Variants in SSBP3 observed in about 807,000 individuals in gnomAD.
SSBP3 encodes single stranded DNA binding protein 3, also known as single-stranded DNA-binding protein 3.
In SSBP3, 5 loss-of-function variants were observed where a neutral mutation model predicts 69.6. The observed-to-expected ratio is 0.07, with a 90% CI of 0.04 to 0.15. The LOEUF (loss-of-function observed/expected upper bound fraction) is 0.15. Among genes scored for constraint, SSBP3 ranks in the 10% least tolerant of loss-of-function variants. SSBP3 has a pLI of 1.00. For missense variants in SSBP3, 312 were observed against 534.0 expected, an observed-to-expected ratio of 0.58 and a Z score of 4.10; for synonymous variants, 196 against 193.4, an observed-to-expected ratio of 1.01 and a Z score of -0.11.
chr1:54,281,613 T>TCC, intron 4 of SSBP3, 86 bp from the exon 5 acceptor site: 1 of 1,227,928 alleles, frequency 8.1e-7, no homozygotes, highest in South Asian at 1.3e-5. Context: ...GCTCTCCCTG[T>TCC]CCGTCCACAT....
intron 4 of SSBP3, among the ~76,000 whole-genome samples, chr1:54,373,795 C>T (rs1033469702): frequency 2.7e-5 from 4 of 149,116 alleles, no homozygotes; most frequent in Non-Finnish European, 4.5e-5. Flanking sequence ...AACAGGAATG[C>T]CTCTCGGCAC....
intron 4 of SSBP3, among the ~76,000 whole-genome samples, chr1:54,355,719 TATCTTA>T (rs1646852475): frequency 6.6e-6 from 1 of 152,178 alleles, no homozygotes; most frequent in Admixed American, 6.5e-5. Context: ...CTAAAGGAGT[TATCTTA>T]AAGTCCTCCT....
intron 17 of SSBP3, 22 bp from the exon 18 acceptor site, chr1:54,227,182 G>A (rs758498750): frequency 1.6e-5 from 10 of 626,128 alleles, no homozygotes; most frequent in Middle Eastern, 6.3e-4. Flanking sequence ...AAGCAGAGAA[G>A]GGGGGGGGGT....
intron 4 of SSBP3, among the ~76,000 whole-genome samples, chr1:54,339,700 G>A (rs2100513057): frequency 6.6e-6 from 1 of 152,082 alleles, no homozygotes; most frequent in Admixed American, 6.5e-5. Context: ...TTCACCTGAG[G>A]TCAGGAGTTC....
intron 12 of SSBP3, among the ~76,000 whole-genome samples, chr1:54,241,258 C>G (rs1033358201): frequency 6.6e-6 from 1 of 152,156 alleles, no homozygotes; most frequent in Non-Finnish European, 1.5e-5. Context: ...TGGTCAGCTC[C>G]CCAGAAGGCA....
intron 4 of SSBP3, among the ~76,000 whole-genome samples, chr1:54,290,341 G>C (rs1260129653): frequency 6.6e-6 from 1 of 152,210 alleles, no homozygotes; most frequent in African/African-American, 2.4e-5. Context: ...GCCAGACTCA[G>C]CCAAGGTACG....
At chr1:54,356,625 C>T (rs1010624235) in intron 4 of SSBP3, 3 of 152,154 alleles carry the variant, frequency 2.0e-5, no homozygotes, top group Non-Finnish European at 2.9e-5. Context: ...TGATGGGCGC[C>T]GTCTGCCAAA....
In SSBP3 at chr1:54,357,744, T is replaced by G. The variant is rs184166176; in HGVS notation, c.276+44117A>C. ...TAGCAAGACCTTTTCTCTCACAAAA[T>G]AAATGAAGTCCTAATGTCTTCTTTG... On this transcript the variant is annotated intron_variant, in intron 4 of 17. Transcript: ENST00000610401. Among the ~76,000 whole-genome samples, 26 of 152,336 alleles carry G rather than the reference T, an allele frequency of 1.7e-4. No homozygotes were observed. In the East Asian group the frequency reaches 2.5e-3, roughly 15 times the overall value.
intron 4 of SSBP3, among the ~76,000 whole-genome samples, chr1:54,292,941 G>A (rs1645634469): frequency 6.6e-6 from 1 of 152,000 alleles, no homozygotes; most frequent in African/African-American, 2.4e-5. Context: ...ACAGAGCCTG[G>A]CATGCTTTCA....
chr1:54,237,879 A>G (rs1644526730), intron 14 of SSBP3: 1 of 339,174 alleles, frequency 2.9e-6, no homozygotes. Flanking sequence ...GTGAATCACA[A>G]GTCCTGATGC....
At chr1:54,390,798 C>G (rs1030805394) in intron 4 of SSBP3, among the ~76,000 whole-genome samples, 2 of 152,260 alleles carry the variant, frequency 1.3e-5, no homozygotes, top group Non-Finnish European at 2.9e-5. Context: ...GCCCGTAACA[C>G]AAGCGGGCTC....
chr1:54,344,214 A>G (rs1646653511), intron 4 of SSBP3, among the ~76,000 whole-genome samples: 1 of 152,216 alleles, frequency 6.6e-6, no homozygotes, highest in Non-Finnish European at 1.5e-5. Context: ...GGATATGAAC[A>G]ATATTAATCT....
At chr1:54,314,134 G>A (rs1393905610) in intron 4 of SSBP3, among the ~76,000 whole-genome samples, 3 of 152,164 alleles carry the variant, frequency 2.0e-5, no homozygotes, top group Admixed American at 1.3e-4. Context: ...GCCAAGGGGG[G>A]CTTAGCCAAA....
At chr1:54,329,651 T>A (rs992763087) in intron 4 of SSBP3, among the ~76,000 whole-genome samples, 1 of 152,200 alleles carries the variant, frequency 6.6e-6, no homozygotes, top group Non-Finnish European at 1.5e-5. Flanking sequence ...AAAAGGACAT[T>A]TTCCTGATCT....
rs942137315 is a variant in SSBP3 at position 54,263,987 on chromosome 1, C to CAAAACA, written c.367-5844_367-5839dup. On this transcript the variant is annotated intron_variant, in intron 5 of 17. Coordinates refer to ENST00000610401, the Ensembl canonical transcript of SSBP3. ...AGCTCCTTAAAACCAAAACCAAAAC[C>CAAAACA]AAAACAAAAACAAAAACAAAAGCAA... Among the ~76,000 whole-genome samples, 36 of 150,810 alleles carry CAAAACA rather than the reference C, an allele frequency of 2.4e-4. No homozygotes were observed. The South Asian group carries it at 2.7e-3, about 11-fold the overall frequency.
chr1:54,279,410 G>A (rs1355499990), intron 5 of SSBP3, among the ~76,000 whole-genome samples: 2 of 152,246 alleles, frequency 1.3e-5, no homozygotes, highest in African/African-American at 2.4e-5. Flanking sequence ...GAAGTTGGGA[G>A]CTGCCCACAG....
At chr1:54,335,145 A>C (rs1298271565) in intron 4 of SSBP3, among the ~76,000 whole-genome samples, 2 of 152,212 alleles carry the variant, frequency 1.3e-5, no homozygotes, top group Non-Finnish European at 2.9e-5. Context: ...ACCCGGACAC[A>C]AGAATCAGCT....
In SSBP3 at chr1:54,400,070, C is replaced by T. The variant is rs111721786; in HGVS notation, c.276+1791G>A. Among the ~76,000 whole-genome samples the T allele has an allele frequency of 4.6e-3, 702 of 152,334 alleles. 20 individuals carry two copies. Among genetic ancestry groups the T allele is most frequent in the South Asian group, 0.04 (194 of 4,826 alleles). ...AACGCCAACCTCAGTGATCTCTATA[C>T]ATTTCTACTGCCATTCCTCAGCAAA... On this transcript the variant is annotated intron_variant, in intron 4 of 17. Coordinates refer to ENST00000610401, the Ensembl canonical transcript of SSBP3.
intron 3 of SSBP3, among the ~76,000 whole-genome samples, chr1:54,404,044 G>A (rs1202229678): frequency 1.3e-5 from 2 of 151,760 alleles, no homozygotes; most frequent in East Asian, 3.9e-4. Flanking sequence ...AGCTCCCAGA[G>A]GAAAGGAAGG....
Sources: allele counts gnomAD v4.1 joint callset (sites outside exome capture counted in the v4.1 genomes callset), GRCh38; gene constraint gnomAD v4.1.1; transcripts MANE v1.5; gene names NCBI Gene and HGNC (gene_info 2026-07-23, HGNC 2026-07-21).